The following BRAF variants were observed in gnomAD, a reference collection of about 807,000 sequenced individuals.
BRAF encodes serine/threonine-protein kinase B-raf.
A neutral mutation model predicts 104.6 loss-of-function variants in BRAF; 16 were observed. The observed-to-expected ratio is 0.15, with a 90% CI of 0.10 to 0.23. The LOEUF (loss-of-function observed/expected upper bound fraction) is 0.23, where lower values mean the gene tolerates loss of function less well. Among genes scored for constraint, BRAF ranks in the 10% least tolerant of loss-of-function variants. BRAF has a pLI of 1.00. For missense variants in BRAF, 541 were observed against 937.3 expected (o/e 0.58, Z 5.52); for synonymous variants, 310 against 341.6 (o/e 0.91, Z 1.02).
At chr7:140,849,840 T>C (rs1808969097) in intron 2 of BRAF, among the ~76,000 whole-genome samples, 1 of 151,744 alleles carries the variant, frequency 6.6e-6, no homozygotes, top group African/African-American at 2.4e-5. Context: ...AAAATAAAAA[T>C]AAAAATAAAA....
chr7:140,812,311 T>A (rs1396208285), intron 3 of BRAF, among the ~76,000 whole-genome samples: 1 of 152,108 alleles, frequency 6.6e-6, no homozygotes, highest in African/African-American at 2.4e-5. Flanking sequence ...CTGAGTTCAC[T>A]GAACTCAGCA....
chr7:140,866,782 G>T (rs530183614), intron 1 of BRAF, among the ~76,000 whole-genome samples: 1 of 151,942 alleles, frequency 6.6e-6, no homozygotes, highest in Non-Finnish European at 1.5e-5. Context: ...ATGCATCTAG[G>T]ATGGTACTTA....
intron 2 of BRAF, chr7:140,835,090 T>C: frequency 1.7e-6 from 1 of 585,260 alleles, no homozygotes; most frequent in South Asian, 2.1e-5. Context: ...TTACACCTGA[T>C]AAATTTGACC....
intron 1 of BRAF, among the ~76,000 whole-genome samples, chr7:140,858,757 T>G (rs1423575771): frequency 2.0e-5 from 3 of 152,134 alleles, no homozygotes; most frequent in African/African-American, 7.2e-5. Flanking sequence ...TCTTAGGAGA[T>G]ATACACACAG....
chr7:140,853,460 C>T lies in BRAF; in HGVS notation c.139-3248G>A, dbSNP rs544086614. Among the ~76,000 whole-genome samples, 19 of 152,312 alleles carry T rather than the reference C, an allele frequency of 1.2e-4. No homozygotes were observed. The South Asian group carries it at 1.4e-3, about 12-fold the overall frequency. Reference sequence around the variant, plus strand: ...CCACTAAAAATCACCAAAGCCATGACCTGGCCCTCTGCTATTTGTCTAGCT... The same window carrying T: ...CCACTAAAAATCACCAAAGCCATGATCTGGCCCTCTGCTATTTGTCTAGCT... On this transcript the variant is annotated intron_variant, in intron 1 of 19. Transcript: ENST00000644969.
chr7:140,732,250 C>G (rs1796042198), intron 19 of BRAF: 1 of 122,708 alleles, frequency 8.1e-6, no homozygotes, highest in Admixed American at 8.2e-5. Context: ...AAAGAGGGCT[C>G]AGGTTTTAGG....
At chr7:140,850,360 T>G in intron 1 of BRAF, 148 bp from the exon 2 acceptor site, 1 of 597,190 alleles carries the variant, frequency 1.7e-6, no homozygotes, top group Non-Finnish European at 2.9e-6. Context: ...TTTTCTCTTT[T>G]ATTATGAAAC....
chr7:140,897,372 TCTTC>T (rs1479790382), intron 1 of BRAF, among the ~76,000 whole-genome samples: 1 of 152,060 alleles, frequency 6.6e-6, no homozygotes, highest in Non-Finnish European at 1.5e-5. Flanking sequence ...CCCCAAGACA[TCTTC>T]ATATAACAAA....
At chr7:140,809,742 T>C (rs972802085) in intron 3 of BRAF, among the ~76,000 whole-genome samples, 12 of 152,018 alleles carry the variant, frequency 7.9e-5, no homozygotes, top group African/African-American at 2.9e-4. Context: ...TTGCAGAAGA[T>C]ACAAATCTGG....
intron 14 of BRAF, among the ~76,000 whole-genome samples, chr7:140,762,520 G>T (rs1798841893): frequency 1.4e-5 from 2 of 147,844 alleles, no homozygotes; most frequent in Non-Finnish European, 3.0e-5. Flanking sequence ...GCTAGCAGAA[G>T]GCAAGAATTA....
At chr7:140,870,867 T>G (rs192902728) in intron 1 of BRAF, among the ~76,000 whole-genome samples, 1 of 147,242 alleles carries the variant, frequency 6.8e-6, no homozygotes, top group Admixed American at 6.8e-5. Context: ...TGCCTTTTCT[T>G]ACTTAAAAAA....
intron 1 of BRAF, among the ~76,000 whole-genome samples, chr7:140,910,696 G>A (rs1168684373): frequency 6.6e-6 from 1 of 151,784 alleles, no homozygotes; most frequent in African/African-American, 2.4e-5. Context: ...TTTTTGAGAG[G>A]GTGACTCCTG....
chr7:140,787,135 A>C (rs2129030822), intron 9 of BRAF, among the ~76,000 whole-genome samples: 1 of 151,912 alleles, frequency 6.6e-6, no homozygotes, highest in East Asian at 1.9e-4. Context: ...CCCCGTCTCT[A>C]CTAAAAATAC....
chr7:140,915,977 A>AAAACAAAC (rs202074977), intron 1 of BRAF, among the ~76,000 whole-genome samples: 2 of 150,460 alleles, frequency 1.3e-5, no homozygotes, highest in Non-Finnish European at 2.9e-5. Context: ...CATCTCTACC[A>AAAACAAAC]AAACAAACAA....
rs1798746343 is a variant in BRAF at position 140,761,615 on chromosome 7, C to T, written c.1815-7382G>A. Among the ~76,000 whole-genome samples the T allele has an allele frequency of 2.0e-5, 3 of 152,070 alleles. No individual in the cohort carries two copies. The South Asian group carries it at 6.2e-4, about 32-fold the overall frequency. ...TGGCAAACTGGATAAAGAGTCAAGA[C>T]CCATCAGTGTGCTGCATACAGGAAA... On this transcript the variant is annotated intron_variant, in intron 14 of 19. Coordinates refer to ENST00000644969, the MANE Select transcript of BRAF (RefSeq NM_001374258.1).
intron 1 of BRAF, among the ~76,000 whole-genome samples, chr7:140,921,182 T>C (rs1483952422): frequency 6.6e-6 from 1 of 152,192 alleles, no homozygotes; most frequent in Non-Finnish European, 1.5e-5. Context: ...AATATCACTC[T>C]GGTATCACAC....
chr7:140,755,332 C>G (rs1403308329), intron 14 of BRAF, among the ~76,000 whole-genome samples: 2 of 152,142 alleles, frequency 1.3e-5, no homozygotes, highest in African/African-American at 4.8e-5. Context: ...GATCATTAGA[C>G]AGTTTTACCT....
the BRAF span, among the ~76,000 whole-genome samples, chr7:140,713,705 T>G: frequency 6.6e-6 from 1 of 152,208 alleles, no homozygotes; most frequent in Admixed American, 6.5e-5. Flanking sequence ...AGTTTCCAGT[T>G]TTCCTGCTCT....
chr7:140,783,451 C>A, intron 10 of BRAF: 1 of 276,938 alleles, frequency 3.6e-6, no homozygotes, highest in South Asian at 1.5e-4. Context: ...TAAAACAAGA[C>A]AGAAATACTA....
Sources: allele counts gnomAD v4.1 joint callset (sites outside exome capture counted in the v4.1 genomes callset), GRCh38; gene constraint gnomAD v4.1.1; transcripts MANE v1.5; gene names NCBI Gene and HGNC (gene_info 2026-07-23, HGNC 2026-07-21).